CHST15: variants seen among roughly 807,000 people sequenced by gnomAD.
The protein encoded by CHST15 is B cell RAG associated protein (GALNAC4S-6ST).
Under a neutral mutation model 53.6 loss-of-function variants are expected in CHST15, and 30 were observed. The ratio of observed to expected loss-of-function variants is 0.56; its 90% CI spans 0.42 to 0.76. The LOEUF (loss-of-function observed/expected upper bound fraction) is 0.76. CHST15 is among the 30% of genes least tolerant of loss of function. The pLI is 0.00. For synonymous variants in CHST15, 296 were observed against 289.8 expected (o/e 1.02, Z -0.22); for missense variants, 627 against 740.5 (o/e 0.85, Z 1.78).
At chr10:124,011,598 C>G in intron 7 of CHST15, 4 of 985,452 alleles carry the variant, frequency 4.1e-6, no homozygotes, top group Non-Finnish European at 4.8e-6. Flanking sequence ...CAAGCCATCC[C>G]TCGGTGCCCC....
In CHST15 at chr10:124,063,209, C is replaced by T. The variant is rs538986364; in HGVS notation, c.-512-16485G>A. ...ACCAGCCTGACCAACATGGTGAAAC[C>T]CCATCTCTACTAAAAATACAAAAAT... On this transcript the variant is annotated intron_variant, in intron 1 of 7. Transcript: ENST00000435907. 2.0e-5 allele frequency among the ~76,000 whole-genome samples: 3 copies of T among 152,244 alleles called. No homozygotes were observed. The South Asian group carries it at 6.2e-4, about 32-fold the overall frequency.
chr10:124,064,392 C>A (rs1312297434), intron 1 of CHST15, among the ~76,000 whole-genome samples: 1 of 152,208 alleles, frequency 6.6e-6, no homozygotes, highest in Non-Finnish European at 1.5e-5. Context: ...ATCCCCAAGG[C>A]CTTCCCCATC....
chr10:124,082,299 G>T (rs1949271573), intron 1 of CHST15, among the ~76,000 whole-genome samples: 1 of 152,162 alleles, frequency 6.6e-6, no homozygotes, highest in Admixed American at 6.5e-5. Flanking sequence ...TAATTGGATT[G>T]TAACTCCAAA....
chr10:124,035,878 C>T (rs948034182), intron 5 of CHST15, among the ~76,000 whole-genome samples: 1 of 152,206 alleles, frequency 6.6e-6, no homozygotes, highest in Admixed American at 6.5e-5. Flanking sequence ...GAACTGCAAC[C>T]AACCACAGCC....
chr10:124,044,599 C>A lies in CHST15; in HGVS notation c.867G>T (p.Trp289Cys). The A allele has an allele frequency of 6.4e-7, 1 of 1,554,050 alleles. No homozygotes were observed. Among genetic ancestry groups the A allele is most frequent in the South Asian group, 1.2e-5 (1 of 84,762 alleles). ...ACTCACCAAAGCGCTTCCGGGTCCACCAGTGTGGCTCCTTGATGGCGGAGA... is the reference window on the plus strand; with the variant it reads ...ACTCACCAAAGCGCTTCCGGGTCCAACAGTGTGGCTCCTTGATGGCGGAGA... ...VKFSAIKEPHWWTRKRFGIVR... is the reference protein window; with the variant it reads ...VKFSAIKEPHCWTRKRFGIVR... The change falls in exon 3 of 8, where the codon TGG becomes TGT. Residue 289 changes from tryptophan (W) to cysteine (C), a missense_variant. Transcript: ENST00000435907.
Position 124,046,384 on chromosome 10 carries a change from G to A in CHST15, c.-172C>T. On this transcript the variant is annotated 5_prime_UTR_variant, in exon 2 of 8. Coordinates refer to ENST00000435907, the MANE Select transcript of CHST15 (RefSeq NM_001270764.2). ...AGACACCACAGCACTAGAGAAAGAG[G>A]GTGCACATTCTTTGGTTCAGCTCCG... is the stretch of plus-strand genomic sequence containing the variant. 1.7e-6 allele frequency: 1 copy of A among 603,172 alleles called. No homozygotes were observed. The highest frequency in any genetic ancestry group is 2.8e-6 in the Non-Finnish European group (1 of 357,104). The allele number at this position is 603,172 out of a possible 1,614,324, so 37.4% of individuals were successfully genotyped here.
chr10:124,050,800 C>T (rs188172701), intron 1 of CHST15, among the ~76,000 whole-genome samples: 66 of 152,240 alleles, frequency 4.3e-4, no homozygotes, highest in Non-Finnish European at 7.5e-4. Flanking sequence ...CCCATGAGGG[C>T]TACTGGCAGG....
chr10:124,076,385 C>A (rs1321031334), intron 1 of CHST15, among the ~76,000 whole-genome samples: 1 of 152,222 alleles, frequency 6.6e-6, no homozygotes, highest in Non-Finnish European at 1.5e-5. Context: ...GAGAAAGTCA[C>A]ATGAAATTTC....
At chr10:124,032,451 A>C (rs1476475406) in intron 5 of CHST15, among the ~76,000 whole-genome samples, 3 of 152,320 alleles carry the variant, frequency 2.0e-5, no homozygotes, top group Non-Finnish European at 2.9e-5. Context: ...ACTAGGTTGG[A>C]GGTGCCAGCA....
At chr10:124,070,894 C>T (rs923423741) in intron 1 of CHST15, among the ~76,000 whole-genome samples, 3 of 152,202 alleles carry the variant, frequency 2.0e-5, no homozygotes, top group Non-Finnish European at 4.4e-5. Flanking sequence ...GAGTCCCTGC[C>T]TGCCACAGAC....
chr10:124,078,597 C>T (rs966671637), intron 1 of CHST15, among the ~76,000 whole-genome samples: 41 of 152,142 alleles, frequency 2.7e-4, no homozygotes, highest in Non-Finnish European at 1.8e-4. Context: ...ACCCATAGAG[C>T]GCCATGTGGA....
chr10:124,046,343 A>G lies in CHST15; in HGVS notation c.-131T>C. On this transcript the variant is annotated 5_prime_UTR_variant, in exon 2 of 8. Coordinates refer to ENST00000435907, the MANE Select transcript of CHST15 (RefSeq NM_001270764.2). ...ATCACAGAAGATGGATGGAAAGCAC[A>G]AATACAAAAATAAGCAGACACCACA... is the stretch of plus-strand genomic sequence containing the variant. The G allele has an allele frequency of 1.2e-6, 1 of 807,150 alleles. No individual in the cohort carries two copies. Among genetic ancestry groups the G allele is most frequent in the Non-Finnish European group, 1.9e-6 (1 of 524,962 alleles). The allele number at this position is 807,150 out of a possible 1,614,324, so 50.0% of individuals were successfully genotyped here.
At chr10:124,014,626 CT>C (rs1050120699) in intron 6 of CHST15, among the ~76,000 whole-genome samples, 1 of 152,216 alleles carries the variant, frequency 6.6e-6, no homozygotes, top group African/African-American at 2.4e-5. Context: ...CCTCCCGGGG[CT>C]TTTCAGTTGT....
At chr10:124,034,726 C>T (rs1242740325) in intron 5 of CHST15, among the ~76,000 whole-genome samples, 1 of 146,476 alleles carries the variant, frequency 6.8e-6, no homozygotes, top group Non-Finnish European at 1.5e-5. Flanking sequence ...GGCTCCACCC[C>T]CTAACAGGGA....
chr10:124,008,372 T>C lies in CHST15; in HGVS notation c.*1777A>G. The C allele has an allele frequency of 4.9e-6, 5 of 1,019,728 alleles. No individual in the cohort carries two copies. The South Asian group carries it at 1.4e-4, about 28-fold the overall frequency. The allele number at this position is 1,019,728 out of a possible 1,614,324, so 63.2% of individuals were successfully genotyped here. A position where few individuals can be genotyped will look rare whatever the true frequency, so the allele number is the denominator to read the frequency against. On this transcript the variant is annotated 3_prime_UTR_variant, in exon 8 of 8. Transcript: ENST00000435907. ...ACACACACACACGCGCGCACTGTAC[T>C]GCAAATAAATATACACACACACTGA...
At chr10:124,085,252 C>G (rs573298764) in intron 1 of CHST15, among the ~76,000 whole-genome samples, 74 of 152,310 alleles carry the variant, frequency 4.9e-4, no homozygotes, top group African/African-American at 1.7e-3. Flanking sequence ...TTTATACCAG[C>G]TATAAGAAAC....
At chr10:124,029,975 A>G (rs999068768) in intron 5 of CHST15, among the ~76,000 whole-genome samples, 1 of 152,204 alleles carries the variant, frequency 6.6e-6, no homozygotes, top group Non-Finnish European at 1.5e-5. Context: ...CTTTTTCCCT[A>G]TAGTGTTCCT....
intron 1 of CHST15, among the ~76,000 whole-genome samples, chr10:124,076,131 C>T (rs1171091797): frequency 6.6e-6 from 1 of 152,224 alleles, no homozygotes; most frequent in Non-Finnish European, 1.5e-5. Context: ...CAGACACACA[C>T]ATTAACCACA....
chr10:124,065,382 C>CA (rs1948722776), intron 1 of CHST15, among the ~76,000 whole-genome samples: 1 of 152,034 alleles, frequency 6.6e-6, no homozygotes, highest in South Asian at 2.1e-4. Flanking sequence ...GACCGTATCT[C>CA]AAAAAGAAGA....
Sources: allele counts gnomAD v4.1 joint callset (sites outside exome capture counted in the v4.1 genomes callset), GRCh38; gene constraint gnomAD v4.1.1; transcripts MANE v1.5; gene names NCBI Gene and HGNC (gene_info 2026-07-23, HGNC 2026-07-21).